TENM3: variants seen among roughly 807,000 people sequenced by gnomAD.
TENM3 encodes the protein teneurin-3.
Under a neutral mutation model 255.1 loss-of-function variants are expected in TENM3, and 63 were observed. That is an observed-to-expected ratio of 0.25 (90% confidence interval 0.20 to 0.30). TENM3 has a LOEUF of 0.30. Ranked by LOEUF, TENM3 falls within the 10% of genes least tolerant of loss-of-function variation. TENM3 has a pLI of 1.00. For missense variants in TENM3, 2,929 were observed against 3,461.1 expected, an observed-to-expected ratio of 0.85 and a Z score of 3.86; for synonymous variants, 1,306 against 1,322.3, an observed-to-expected ratio of 0.99 and a Z score of 0.27.
intron 1 of TENM3, among the ~76,000 whole-genome samples, chr4:182,224,228 T>C (rs2149978284): frequency 6.6e-6 from 1 of 152,358 alleles, no homozygotes; most frequent in East Asian, 1.9e-4. Context: ...GTTCTTATTC[T>C]TGCTGAACAG....
At chr4:182,781,912 AT>A (rs1296296597) in intron 24 of TENM3, among the ~76,000 whole-genome samples, 1 of 150,676 alleles carries the variant, frequency 6.6e-6, no homozygotes, top group Non-Finnish European at 1.5e-5. Context: ...CCCCTTTATC[AT>A]TTTTTATTGC....
At chr4:182,153,134 A>C (rs745314529) in intron 1 of TENM3, among the ~76,000 whole-genome samples, 1 of 152,056 alleles carries the variant, frequency 6.6e-6, no homozygotes, top group South Asian at 2.1e-4. Flanking sequence ...AAAAAATATT[A>C]GTAATCAAAA....
intron 1 of TENM3, among the ~76,000 whole-genome samples, chr4:182,299,954 C>G (rs150231734): frequency 6.7e-6 from 1 of 150,232 alleles, no homozygotes; most frequent in South Asian, 2.1e-4. Context: ...CCCACTCTGT[C>G]GCCCAGGCTG....
chr4:181,902,221 ATTTGTTTAAGTTCC>A, the TENM3 span, among the ~76,000 whole-genome samples: 2 of 151,852 alleles, frequency 1.3e-5, no homozygotes, highest in Non-Finnish European at 2.9e-5. Flanking sequence ...AGAGCAGAAA[ATTTGTTTAAGTTCC>A]TTGTATATTC....
intron 6 of TENM3, among the ~76,000 whole-genome samples, chr4:182,656,639 T>TCAA (rs1376328188): frequency 1.3e-5 from 2 of 152,186 alleles, no homozygotes; most frequent in Admixed American, 1.3e-4. Flanking sequence ...GCTTTAGAAT[T>TCAA]CTGAACAAAG....
chr4:182,046,171 A>T, the TENM3 span, among the ~76,000 whole-genome samples: 1 of 152,208 alleles, frequency 6.6e-6, no homozygotes, highest in Non-Finnish European at 1.5e-5. Context: ...AAATAAATAG[A>T]TAAAATGCTA....
chr4:182,598,022 A>C (rs1747439242), intron 3 of TENM3, among the ~76,000 whole-genome samples: 2 of 152,048 alleles, frequency 1.3e-5, no homozygotes, highest in Non-Finnish European at 2.9e-5. Context: ...TCTACAAAAA[A>C]TTTAAAAATT....
chr4:182,303,527 C>T (rs1761961609), intron 1 of TENM3, among the ~76,000 whole-genome samples: 1 of 152,148 alleles, frequency 6.6e-6, no homozygotes. Flanking sequence ...ACTGTGTATA[C>T]CTGCCCTGAT....
At chr4:182,195,550 C>T (rs927472577) in intron 1 of TENM3, among the ~76,000 whole-genome samples, 8 of 151,932 alleles carry the variant, frequency 5.3e-5, no homozygotes, top group African/African-American at 1.2e-4. Flanking sequence ...TGAGGTGGGA[C>T]GATCCTTTGA....
rs1022759968 is a variant in TENM3 at position 182,445,498 on chromosome 4, C to T, written c.511+98569C>T. ...AAGGTAATAATCTCAGTGTCGGTTA[C>T]AATTCGATTTTTCTTCAAGGTTTTT... On this transcript the variant is annotated intron_variant, in intron 3 of 27. Coordinates refer to ENST00000511685, the MANE Select transcript of TENM3 (RefSeq NM_001080477.4). 9.2e-5 allele frequency among the ~76,000 whole-genome samples: 14 copies of T among 152,194 alleles called. No homozygotes were observed. In the East Asian group the frequency reaches 2.1e-3, roughly 23 times the overall value.
the TENM3 span, among the ~76,000 whole-genome samples, chr4:181,861,179 A>T: frequency 2.6e-5 from 4 of 152,254 alleles, no homozygotes; most frequent in Admixed American, 2.6e-4. Context: ...ATTCTTTGTG[A>T]TCATCTACAA....
rs1324367318 is a variant in TENM3, at chr4:182,571,730, AT to A, written c.512-29193del. Among the ~76,000 whole-genome samples the A allele has an allele frequency of 1.1e-3, 162 of 152,360 alleles. 1 individual carries two copies. The highest frequency in any genetic ancestry group is 8.8e-5 in the Non-Finnish European group (6 of 68,030). Reference sequence around the variant, plus strand: ...TGTAAATTTCCACAGAAAAATAATTATATAAGAAACCATTGGTATGAGCACT... The same window carrying A: ...TGTAAATTTCCACAGAAAAATAATTAATAAGAAACCATTGGTATGAGCACT... On this transcript the variant is annotated intron_variant, in intron 3 of 27. Transcript: ENST00000511685.
the TENM3 span, among the ~76,000 whole-genome samples, chr4:181,462,541 T>C: frequency 0.13 from 20,270 of 152,224 alleles, 1,534 homozygotes; most frequent in East Asian, 0.28. Context: ...TCATCCAATG[T>C]CTGAAAACTG....
At chr4:181,529,996 G>A in the TENM3 span, among the ~76,000 whole-genome samples, 8 of 152,166 alleles carry the variant, frequency 5.3e-5, no homozygotes, top group Non-Finnish European at 8.8e-5. Flanking sequence ...ATACAGGAGC[G>A]TTTGGAAATC....
the TENM3 span, among the ~76,000 whole-genome samples, chr4:181,527,694 T>C: frequency 6.6e-6 from 1 of 151,756 alleles, no homozygotes; most frequent in Non-Finnish European, 1.5e-5. Flanking sequence ...TAAATACATA[T>C]GTATATATGA....
the TENM3 span, among the ~76,000 whole-genome samples, chr4:182,103,766 G>A: frequency 2.0e-5 from 3 of 152,164 alleles, no homozygotes; most frequent in African/African-American, 7.2e-5. Context: ...TATAATAATG[G>A]TTATAAGACT....
intron 13 of TENM3, among the ~76,000 whole-genome samples, chr4:182,715,146 G>C (rs1759056183): frequency 6.6e-6 from 1 of 152,222 alleles, no homozygotes; most frequent in Non-Finnish European, 1.5e-5. Flanking sequence ...GGCCTCCAAA[G>C]TGCTGGGATT....
the TENM3 span, among the ~76,000 whole-genome samples, chr4:181,886,813 AATC>A: frequency 6.6e-6 from 1 of 152,200 alleles, no homozygotes; most frequent in Non-Finnish European, 1.5e-5. Flanking sequence ...ACTTTGGGTT[AATC>A]ATCAGTTTCA....
the TENM3 span, among the ~76,000 whole-genome samples, chr4:181,952,242 T>A: frequency 6.6e-6 from 1 of 152,228 alleles, no homozygotes; most frequent in Non-Finnish European, 1.5e-5. Context: ...CTTCTTCTTT[T>A]AAATCGGAGA....
Sources: allele counts gnomAD v4.1 joint callset (sites outside exome capture counted in the v4.1 genomes callset), GRCh38; gene constraint gnomAD v4.1.1; transcripts MANE v1.5; gene names NCBI Gene and HGNC (gene_info 2026-07-23, HGNC 2026-07-21).